The following DOCK4 variants were observed in gnomAD, a reference collection of about 807,000 sequenced individuals.
DOCK4 encodes dedicator of cytokinesis protein 4.
In DOCK4, 97 loss-of-function variants were observed where a neutral mutation model predicts 268.1. The observed-to-expected ratio is 0.36, with a 90% CI of 0.31 to 0.43. The LOEUF (loss-of-function observed/expected upper bound fraction) is 0.43. DOCK4 is among the 20% of genes least tolerant of loss of function. The pLI is 1.00. For synonymous variants in DOCK4, 954 were observed against 887.2 expected (o/e 1.08, Z -1.34); for missense variants, 2,145 against 2,455.7 (o/e 0.87, Z 2.67).
chr7:111,888,710 T>C (rs1396173194), intron 16 of DOCK4, among the ~76,000 whole-genome samples: 4 of 152,100 alleles, frequency 2.6e-5, no homozygotes, highest in Admixed American at 6.6e-5. Flanking sequence ...AATCAGCTAC[T>C]TACCACACCA....
At position 111,908,489 on chromosome 7, in the gene DOCK4, G is replaced by C. The variant is rs1791804454; in HGVS notation, c.1193-6688C>G. On this transcript the variant is annotated intron_variant, in intron 13 of 52. Transcript: ENST00000428084. ...TAATAATAATAATAATAATGAAATT[G>C]CTTACTTCTCTTTTTGTCAAAGTGA... is the stretch of plus-strand genomic sequence containing the variant. Among the ~76,000 whole-genome samples the C allele has an allele frequency of 3.2e-5, 4 of 126,544 alleles. No homozygotes were observed. In the South Asian group the frequency reaches 9.6e-4, roughly 30 times the overall value. 83.0% of individuals were successfully genotyped at this position (126,544 alleles called of 152,430 possible).
At chr7:111,982,102 T>C (rs1377238475) in intron 7 of DOCK4, among the ~76,000 whole-genome samples, 1 of 152,158 alleles carries the variant, frequency 6.6e-6, no homozygotes, top group Non-Finnish European at 1.5e-5. Flanking sequence ...TCCAGGAAGG[T>C]TCATTAAAGT....
At chr7:112,077,789 C>T (rs979526179) in intron 1 of DOCK4, among the ~76,000 whole-genome samples, 3 of 152,032 alleles carry the variant, frequency 2.0e-5, no homozygotes, top group African/African-American at 4.8e-5. Flanking sequence ...CTGAATAATG[C>T]TCTCAAATTT....
intron 26 of DOCK4, among the ~76,000 whole-genome samples, chr7:111,829,746 C>T (rs959879629): frequency 4.6e-5 from 7 of 152,162 alleles, no homozygotes; most frequent in Admixed American, 4.6e-4. Flanking sequence ...CTGATACATA[C>T]TAAATTGCAT....
intron 1 of DOCK4, among the ~76,000 whole-genome samples, chr7:112,177,796 G>A (rs1445885617): frequency 6.6e-6 from 1 of 152,052 alleles, no homozygotes; most frequent in East Asian, 1.9e-4. Context: ...ACCTTTTACA[G>A]GAAATCTGTA....
rs552305662 is a variant in DOCK4, at chr7:111,773,954, C to G, written c.3680-4277G>C. On this transcript the variant is annotated intron_variant, in intron 36 of 52. Coordinates refer to ENST00000428084, the MANE Select transcript of DOCK4 (RefSeq NM_001363540.2). Reference sequence around the variant, plus strand: ...ATCGCTTGGGCTTGGGAGGCAGAGGCTGCAGTGAGCCCAGATCGTGCCACT... The same window carrying G: ...ATCGCTTGGGCTTGGGAGGCAGAGGGTGCAGTGAGCCCAGATCGTGCCACT... Among the ~76,000 whole-genome samples, 260 of 151,802 alleles carry G rather than the reference C, an allele frequency of 1.7e-3. 1 individual carries two copies. Among genetic ancestry groups the G allele is most frequent in the African/African-American group, 5.9e-3 (244 of 41,406 alleles).
intron 22 of DOCK4, among the ~76,000 whole-genome samples, chr7:111,865,014 C>T (rs945872318): frequency 2.0e-5 from 3 of 152,180 alleles, no homozygotes; most frequent in Non-Finnish European, 2.9e-5. Flanking sequence ...GGGAGGAAGA[C>T]GGCTGTGCCA....
intron 23 of DOCK4, among the ~76,000 whole-genome samples, chr7:111,853,448 A>G (rs1804745926): frequency 1.3e-5 from 2 of 152,222 alleles, no homozygotes; most frequent in Admixed American, 6.5e-5. Flanking sequence ...CTGACATCAG[A>G]GCTGGGATGG....
intron 1 of DOCK4, among the ~76,000 whole-genome samples, chr7:112,036,370 G>A (rs1803763929): frequency 1.3e-5 from 2 of 152,066 alleles, no homozygotes; most frequent in South Asian, 2.1e-4. Flanking sequence ...AACAACTGGG[G>A]CATTATGATT....
chr7:112,137,898 G>A (rs986563719), intron 1 of DOCK4, among the ~76,000 whole-genome samples: 1 of 152,178 alleles, frequency 6.6e-6, no homozygotes, highest in African/African-American at 2.4e-5. Flanking sequence ...CTTTCTGTGT[G>A]TGCATTACAC....
intron 16 of DOCK4, among the ~76,000 whole-genome samples, chr7:111,880,715 T>C (rs1380893001): frequency 6.6e-6 from 1 of 152,016 alleles, no homozygotes; most frequent in Non-Finnish European, 1.5e-5. Context: ...GGTACTGAAA[T>C]AAAAGCAGAC....
At chr7:112,112,440 G>A (rs889423561) in intron 1 of DOCK4, among the ~76,000 whole-genome samples, 1 of 151,980 alleles carries the variant, frequency 6.6e-6, no homozygotes, top group African/African-American at 2.4e-5. Context: ...TCAGGAGTTC[G>A]AGACCAGCCT....
intron 8 of DOCK4, among the ~76,000 whole-genome samples, chr7:111,947,478 C>G (rs1282443674): frequency 6.6e-6 from 1 of 151,078 alleles, no homozygotes; most frequent in Non-Finnish European, 1.5e-5. Flanking sequence ...ATATTTTTTC[C>G]CAGAAAACAG....
At chr7:112,096,416 C>G (rs1810145408) in intron 1 of DOCK4, among the ~76,000 whole-genome samples, 1 of 152,124 alleles carries the variant, frequency 6.6e-6, no homozygotes, top group Non-Finnish European at 1.5e-5. Context: ...CTCCTAGGCT[C>G]AAGCAATTCT....
chr7:111,779,057 A>C (rs567374874), intron 35 of DOCK4, among the ~76,000 whole-genome samples: 40 of 150,738 alleles, frequency 2.7e-4, no homozygotes, highest in African/African-American at 9.4e-4. Flanking sequence ...CCGTCTAAAA[A>C]AATAAAAATA....
intron 12 of DOCK4, among the ~76,000 whole-genome samples, chr7:111,925,299 G>A (rs1285742085): frequency 6.6e-6 from 1 of 152,070 alleles, no homozygotes; most frequent in African/African-American, 2.4e-5. Context: ...CTTTTCCAGA[G>A]GCACATCCTA....
intron 1 of DOCK4, among the ~76,000 whole-genome samples, chr7:112,104,397 T>G (rs1810956174): frequency 6.6e-6 from 1 of 152,302 alleles, no homozygotes; most frequent in African/African-American, 2.4e-5. Context: ...AAACTAATCA[T>G]TAGAGTGCAG....
At chr7:112,155,998 G>A (rs1295627018) in intron 1 of DOCK4, among the ~76,000 whole-genome samples, 1 of 151,900 alleles carries the variant, frequency 6.6e-6, no homozygotes, top group Non-Finnish European at 1.5e-5. Context: ...CTAGAATTAC[G>A]ACCTCACTCC....
intron 28 of DOCK4, among the ~76,000 whole-genome samples, chr7:111,810,225 G>A (rs1463364337): frequency 6.6e-6 from 1 of 151,522 alleles, no homozygotes; most frequent in Non-Finnish European, 1.5e-5. Context: ...AGGCCGAGGC[G>A]GGTGGATCAC....
Sources: allele counts gnomAD v4.1 joint callset (sites outside exome capture counted in the v4.1 genomes callset), GRCh38; gene constraint gnomAD v4.1.1; transcripts MANE v1.5; gene names NCBI Gene and HGNC (gene_info 2026-07-23, HGNC 2026-07-21).